SLC8A2: variants seen among roughly 807,000 people sequenced by gnomAD.
SLC8A2 encodes the protein sodium/calcium exchanger 2.
A neutral mutation model predicts 70.2 loss-of-function variants in SLC8A2; 14 were observed. That is an observed-to-expected ratio of 0.20 (90% CI 0.13 to 0.31). SLC8A2 has a LOEUF of 0.31. SLC8A2 is among the 10% of genes least tolerant of loss of function. The pLI, the probability that SLC8A2 is intolerant of heterozygous loss-of-function variation, is 1.00. For synonymous variants in SLC8A2, 575 were observed against 594.3 expected, an observed-to-expected ratio of 0.97 and a Z score of 0.47; for missense variants, 779 against 1,320.1, an observed-to-expected ratio of 0.59 and a Z score of 6.35.
At chr19:47,456,786 G>A in intron 3 of SLC8A2, 144 bp downstream of exon 3, 1 of 884,918 alleles carries the variant, frequency 1.1e-6, no homozygotes, top group Non-Finnish European at 1.6e-6. Flanking sequence ...GCACAAAGCA[G>A]GCTCTCAGGA....
At chr19:47,471,504 G>C (rs1461599112) in intron 1 of SLC8A2, among the ~76,000 whole-genome samples, 1 of 151,550 alleles carries the variant, frequency 6.6e-6, no homozygotes, top group Admixed American at 6.6e-5. Flanking sequence ...GAGAGCGCGA[G>C]GGGGGGTGCC....
chr19:47,452,433 AGAGAGAGAGAGAGTGTGTGTGTGTGT>A (rs1568444522), intron 3 of SLC8A2, among the ~76,000 whole-genome samples: 26 of 99,032 alleles, frequency 2.6e-4, no homozygotes, highest in Non-Finnish European at 4.3e-4. Context: ...AGAGAGAGAG[AGAGAGAGAGAGAGTGTGTGTGTGTGT>A]GTGTGTGTGT....
chr19:47,447,887 A>G lies in SLC8A2; in HGVS notation c.1685T>C (p.Val562Ala). Residue 562 changes from valine (V) to alanine (A), a missense_variant, in exon 4 of 10, where the codon GTG becomes GCG. By Grantham distance (64) the Val-to-Ala change is moderately conservative. Coordinates refer to ENST00000236877, the MANE Select transcript of SLC8A2 (RefSeq NM_015063.3). The surrounding 1 kb of genome is among the most constrained non-coding windows in gnomAD (Gnocchi z 5.1). ...GCCGCCGCCGCGCGCCGTGCCGTCCACCGTGCGGTAGGGAAGGCGCACGGT... is the reference window on the plus strand; with the variant it reads ...GCCGCCGCCGCGCGCCGTGCCGTCCGCCGTGCGGTAGGGAAGGCGCACGGT... ...RGTVRLPYRTVDGTARGGGVH... is the reference protein window; with the variant it reads ...RGTVRLPYRTADGTARGGGVH... 2.5e-6 allele frequency: 4 copies of G among 1,591,138 alleles called. No individual in the cohort carries two copies. Among genetic ancestry groups the G allele is most frequent in the Non-Finnish European group, 2.6e-6 (3 of 1,171,992 alleles).
At chr19:47,439,617 T>TCTTCCTTCCTTCCTTC (rs149487413) in intron 6 of SLC8A2, among the ~76,000 whole-genome samples, 50 of 145,926 alleles carry the variant, frequency 3.4e-4, no homozygotes, top group African/African-American at 1.1e-3. Flanking sequence ...TTCCTTCCTT[T>TCTTCCTTCCTTCCTTC]CTTCCTTCCT....
At position 47,432,661 on chromosome 19, in the gene SLC8A2, T is replaced by C; in HGVS notation, c.2111-216A>G. 2.1e-6 allele frequency: 1 copy of C among 481,334 alleles called. No individual in the cohort carries two copies. Among genetic ancestry groups the C allele is most frequent in the South Asian group, 4.3e-5 (1 of 23,016 alleles). 29.8% of individuals were successfully genotyped at this position (481,334 alleles called of 1,614,324 possible). On this transcript the variant is annotated intron_variant, in intron 8 of 9. Transcript: ENST00000236877. The surrounding 1 kb of genome is among the most constrained non-coding windows in gnomAD (Gnocchi z 6.2). Reference sequence around the variant, plus strand: ...CTTGATTGGGCCCAGGTGAAAAATATTTACTTTCCCAGAATCCTTTGGATC... The same window carrying C: ...CTTGATTGGGCCCAGGTGAAAAATACTTACTTTCCCAGAATCCTTTGGATC...
intron 6 of SLC8A2, 152 bp downstream of exon 6, chr19:47,441,017 C>G (rs1283450666): frequency 2.4e-5 from 16 of 674,904 alleles, no homozygotes; most frequent in Middle Eastern, 7.5e-4. Flanking sequence ...TCAGGCCAGA[C>G]CCCACTGTCC....
rs899534663 is a variant in SLC8A2, at chr19:47,429,788, C to T, written c.*301G>A. The T allele has an allele frequency of 1.0e-5, 5 of 483,828 alleles. No homozygotes were observed. The highest frequency in any genetic ancestry group is 1.0e-4 in the African/African-American group (5 of 49,794). The allele number at this position is 483,828 out of a possible 1,614,324, so 30.0% of individuals were successfully genotyped here. On this transcript the variant is annotated 3_prime_UTR_variant, in exon 10 of 10. Coordinates refer to ENST00000236877, the MANE Select transcript of SLC8A2 (RefSeq NM_015063.3). ...CCAGGATGGTTACTGGGGGTGGTTC[C>T]CTGGGGAGGGGACTGGGGTGGAAAT...
intron 2 of SLC8A2, among the ~76,000 whole-genome samples, chr19:47,462,497 C>T (rs1034248347): frequency 1.8e-4 from 28 of 152,116 alleles, no homozygotes; most frequent in African/African-American, 6.0e-4. Context: ...CTCCTGACCT[C>T]GGGTGATCTG....
rs537574367 is a variant in SLC8A2, at chr19:47,434,897, C to T, written c.2111-2452G>A. ...TTCACACAGGAAATAAATTTCCAAC[C>T]ATGCCTGGCACTCAAGACACGATAG... On this transcript the variant is annotated intron_variant, in intron 8 of 9. Coordinates refer to ENST00000236877, the MANE Select transcript of SLC8A2 (RefSeq NM_015063.3). Among the ~76,000 whole-genome samples, 4 of 152,194 alleles carry T rather than the reference C, an allele frequency of 2.6e-5. No homozygotes were observed. The South Asian group carries it at 8.3e-4, about 32-fold the overall frequency.
At chr19:47,449,414 C>T (rs1033001069) in intron 3 of SLC8A2, among the ~76,000 whole-genome samples, 6 of 152,068 alleles carry the variant, frequency 3.9e-5, no homozygotes, top group African/African-American at 1.2e-4. Context: ...CCTCCCCTCC[C>T]GGGTTCAAGG....
chr19:47,469,889 C>T (rs2122658061), intron 1 of SLC8A2, among the ~76,000 whole-genome samples: 1 of 152,356 alleles, frequency 6.6e-6, no homozygotes, highest in Non-Finnish European at 1.5e-5. Flanking sequence ...CGGCAGTGAG[C>T]ACCCCTGTTC....
intron 8 of SLC8A2, among the ~76,000 whole-genome samples, chr19:47,436,373 C>A (rs1370723670): frequency 6.6e-6 from 1 of 152,214 alleles, no homozygotes; most frequent in African/African-American, 2.4e-5. Context: ...CCAGAAATCA[C>A]TTCTGTGTCC....
chr19:47,441,688 G>A, intron 4 of SLC8A2, among the ~76,000 whole-genome samples: 1 of 152,356 alleles, frequency 6.6e-6, no homozygotes, highest in Non-Finnish European at 1.5e-5. Flanking sequence ...GGGTGCGGTG[G>A]CTCATGCCTC....
chr19:47,464,225 C>G (rs1171966061), intron 2 of SLC8A2, among the ~76,000 whole-genome samples: 1 of 152,148 alleles, frequency 6.6e-6, no homozygotes, highest in Non-Finnish European at 1.5e-5. Flanking sequence ...AATTCCCTTG[C>G]TTCAGCCTCC....
rs576007468 is a variant in SLC8A2 at position 47,437,966 on chromosome 19, C to T, written c.1893G>A (p.Gly631=). ...CCTCCTCGGCTGTTAGCTTCCTGTC[C>T]CCATCCCCTGCAGCATGAGGGGTGG... ...ISALLLNQGD[G]DRKLTAEEEE... is the part of the protein sequence containing the mutation. Residue 631 remains glycine, a synonymous_variant, in exon 7 of 10, where the codon GGG becomes GGA. Coordinates refer to ENST00000236877, the MANE Select transcript of SLC8A2 (RefSeq NM_015063.3). 3.1e-6 allele frequency: 5 copies of T among 1,614,106 alleles called. No homozygotes were observed. The South Asian group carries it at 3.3e-5, about 11-fold the overall frequency.
rs1158933691 is a variant in SLC8A2, at chr19:47,453,026, C to T, written c.1340+3904G>A. On this transcript the variant is annotated intron_variant, in intron 3 of 9. Transcript: ENST00000236877. ...CCAGCCTGGTCAACAGAGTGAGATGCAGTCTCAAAAAAATAAAGAATATCA... is the reference window on the plus strand; with the variant it reads ...CCAGCCTGGTCAACAGAGTGAGATGTAGTCTCAAAAAAATAAAGAATATCA... Among the ~76,000 whole-genome samples, 9 of 152,220 alleles carry T rather than the reference C, an allele frequency of 5.9e-5. No individual in the cohort carries two copies. In the East Asian group the frequency reaches 1.5e-3, roughly 26 times the overall value.
At chr19:47,440,165 A>C (rs1206526054) in intron 6 of SLC8A2, among the ~76,000 whole-genome samples, 2 of 152,096 alleles carry the variant, frequency 1.3e-5, no homozygotes, top group African/African-American at 2.4e-5. Flanking sequence ...CCAATCTCTG[A>C]CCTTGGCCCC....
chr19:47,428,235 A>C lies in SLC8A2; in HGVS notation c.*1854T>G, dbSNP rs1387004439. ...TAAGTGGGGGTGTGATTAGTGGAAG[A>C]GCTAGGCTGATGAATGGGGGCGTGG... On this transcript the variant is annotated 3_prime_UTR_variant, in exon 10 of 10. Transcript: ENST00000236877. 6.6e-6 allele frequency: 1 copy of C among 150,916 alleles called. No individual in the cohort carries two copies. Among genetic ancestry groups the C allele is most frequent in the Non-Finnish European group, 1.5e-5 (1 of 67,910 alleles). 9.3% of individuals were successfully genotyped at this position (150,916 alleles called of 1,614,324 possible). A position where few individuals can be genotyped will look rare whatever the true frequency, so the allele number is the denominator to read the frequency against.
In SLC8A2 at chr19:47,466,637, G is replaced by A. The variant is rs1031239100; in HGVS notation, c.-16-218C>T. Among the ~76,000 whole-genome samples, 1 of 152,074 alleles carries A rather than the reference G, an allele frequency of 6.6e-6. No homozygotes were observed. Among genetic ancestry groups the A allele is most frequent in the Non-Finnish European group, 1.5e-5 (1 of 68,004 alleles). ...AAGGACAGAGGAACCCCCATGCACT[G>A]CTGGTGGGAATGCAAATTGGTCTAT... On this transcript the variant is annotated intron_variant, in intron 1 of 9. Transcript: ENST00000236877. The surrounding 1 kb of genome is among the most constrained non-coding windows in gnomAD (Gnocchi z 6.9).
Sources: allele counts gnomAD v4.1 joint callset (sites outside exome capture counted in the v4.1 genomes callset), GRCh38; gene constraint gnomAD v4.1.1; non-coding constraint Gnocchi (gnomAD v3.1); transcripts MANE v1.5; gene names NCBI Gene and HGNC (gene_info 2026-07-23, HGNC 2026-07-21).